CD84: variants seen among roughly 807,000 people sequenced by gnomAD.
CD84 encodes the protein CD84 molecule.
A neutral mutation model predicts 33.8 loss-of-function variants in CD84; 22 were observed. The observed-to-expected ratio is 0.65, with a 90% CI of 0.46 to 0.93. The LOEUF (loss-of-function observed/expected upper bound fraction) is 0.93. Among genes scored for constraint, CD84 ranks in the 40% least tolerant of loss-of-function variants. The probability of loss-of-function intolerance (pLI) is 0.00; values close to 1 mark genes in which losing one functional copy is unlikely to be tolerated. For missense variants in CD84, 400 were observed against 397.6 expected (o/e 1.01, Z -0.05); for synonymous variants, 154 against 145.2 (o/e 1.06, Z -0.44).
At position 160,553,589 on chromosome 1, in the gene CD84, T is replaced by C. The variant is rs982624504; in HGVS notation, c.641-92A>G. The C allele has an allele frequency of 8.9e-6, 13 of 1,462,526 alleles. No homozygotes were observed. The Middle Eastern group carries it at 7.6e-4, about 85-fold the overall frequency. The allele number at this position is 1,462,526 out of a possible 1,614,324, so 90.6% of individuals were successfully genotyped here. A position where few individuals can be genotyped will look rare whatever the true frequency, so the allele number is the denominator to read the frequency against. ...CCCACAGTCAGGGGCATTATGAAAA[T>C]TGGGTGCCCTCCGAAGGAGTGCCAA... On this transcript the variant is annotated intron_variant, in intron 3 of 6. Coordinates refer to ENST00000368054, the MANE Select transcript of CD84 (RefSeq NM_003874.4).
intron 1 of CD84, among the ~76,000 whole-genome samples, chr1:160,573,580 C>T (rs1657819166): frequency 6.6e-6 from 1 of 152,158 alleles, no homozygotes; most frequent in Admixed American, 6.5e-5. Flanking sequence ...TCAGCAGTCC[C>T]CCACTTTGTT....
intron 6 of CD84, 59 bp downstream of exon 6, chr1:160,549,858 T>G: frequency 1.6e-6 from 2 of 1,258,734 alleles, no homozygotes; most frequent in Non-Finnish European, 2.3e-6. Context: ...ATGGACCGGG[T>G]GCACCAGAAT....
At chr1:160,555,081 CTT>C (rs35518975) in intron 2 of CD84, among the ~76,000 whole-genome samples, 6,597 of 138,374 alleles carry the variant, frequency 0.048, 428 homozygotes, top group African/African-American at 0.17. Context: ...ATGAAATAAT[CTT>C]TTTTTTTTTT....
chr1:160,553,817 T>C, intron 3 of CD84, 78 bp downstream of exon 3: 1 of 1,603,454 alleles, frequency 6.2e-7, no homozygotes, highest in Non-Finnish European at 8.5e-7. Context: ...CCCTAGAGAA[T>C]GTGGCCCACG....
At chr1:160,557,018 G>A (rs1003552359) in intron 2 of CD84, among the ~76,000 whole-genome samples, 10 of 152,012 alleles carry the variant, frequency 6.6e-5, no homozygotes, top group Admixed American at 4.6e-4. Context: ...CCTTCATAAT[G>A]AGATTTTTTT....
intron 2 of CD84, among the ~76,000 whole-genome samples, chr1:160,562,330 A>T (rs1378237098): frequency 6.6e-6 from 1 of 152,182 alleles, no homozygotes; most frequent in Non-Finnish European, 1.5e-5. Flanking sequence ...AAACTATACT[A>T]CAAGGCCAAG....
chr1:160,575,341 G>A (rs543705416), intron 1 of CD84, among the ~76,000 whole-genome samples: 59 of 152,220 alleles, frequency 3.9e-4, no homozygotes, highest in African/African-American at 1.4e-3. Flanking sequence ...GAAATTTTGT[G>A]TCATTCTCCA....
chr1:160,576,930 G>C (rs1460343574), intron 1 of CD84, among the ~76,000 whole-genome samples: 3 of 152,164 alleles, frequency 2.0e-5, no homozygotes, highest in African/African-American at 7.2e-5. Context: ...GAATGGGGCA[G>C]AGAAAAGGAA....
At position 160,575,088 on chromosome 1, in the gene CD84, G is replaced by C. The variant is rs571886895; in HGVS notation, c.46+4304C>G. Among the ~76,000 whole-genome samples, 203 of 152,196 alleles carry C rather than the reference G, an allele frequency of 1.3e-3. 1 individual carries two copies. Among genetic ancestry groups the C allele is most frequent in the African/African-American group, 4.7e-3 (197 of 41,524 alleles). ...ACACCTCCACCCCCTTACTTTCTTAGGATCCTCCAGACAAACATTTCTTGT... is the reference window on the plus strand; with the variant it reads ...ACACCTCCACCCCCTTACTTTCTTACGATCCTCCAGACAAACATTTCTTGT... On this transcript the variant is annotated intron_variant, in intron 1 of 6. Transcript: ENST00000368054.
chr1:160,553,171 G>C, intron 4 of CD84: 1 of 788,916 alleles, frequency 1.3e-6, no homozygotes, highest in East Asian at 2.7e-5. Flanking sequence ...CCAGCTACTG[G>C]TGATCTCAGG....
At chr1:160,553,712 C>T in intron 3 of CD84, 183 bp downstream of exon 3, 1 of 1,023,430 alleles carries the variant, frequency 9.8e-7, no homozygotes, top group Non-Finnish European at 1.4e-6. Context: ...CCAGAAATGT[C>T]TAGCATCTCT....
At chr1:160,555,459 T>C (rs1196213802) in intron 2 of CD84, among the ~76,000 whole-genome samples, 1 of 152,182 alleles carries the variant, frequency 6.6e-6, no homozygotes, top group Non-Finnish European at 1.5e-5. Context: ...AAACTATCCA[T>C]GGTGGAAAGC....
Sources: gnomAD v4.1 joint callset for allele counts (sites outside exome capture counted in the v4.1 genomes callset) on GRCh38, gnomAD v4.1.1 for gene constraint, MANE v1.5 for transcripts, NCBI Gene and HGNC (gene_info 2026-07-23, HGNC 2026-07-21) for gene names.